BTBD9: variants seen among roughly 807,000 people sequenced by gnomAD.
BTBD9 encodes BTB/POZ domain-containing protein 9.
Under a neutral mutation model 64.3 loss-of-function variants are expected in BTBD9, and 49 were observed. The ratio of observed to expected loss-of-function variants is 0.76; its 90% CI spans 0.61 to 0.97. The LOEUF (loss-of-function observed/expected upper bound fraction) is 0.97. BTBD9 is among the 50% of genes least tolerant of loss of function. The probability of loss-of-function intolerance (pLI) is 0.00; values close to 1 mark genes in which losing one functional copy is unlikely to be tolerated. For synonymous variants in BTBD9, 260 were observed against 274.7 expected (o/e 0.95, Z 0.53); for missense variants, 598 against 762.1 (o/e 0.78, Z 2.53).
At chr6:38,414,126 T>C (rs1415821029) in intron 6 of BTBD9, among the ~76,000 whole-genome samples, 1 of 152,206 alleles carries the variant, frequency 6.6e-6, no homozygotes, top group Non-Finnish European at 1.5e-5. Flanking sequence ...TTTATGTTTG[T>C]GGACTATCAC....
chr6:38,543,736 T>C (rs930001229), intron 6 of BTBD9, among the ~76,000 whole-genome samples: 4 of 152,100 alleles, frequency 2.6e-5, no homozygotes, highest in Non-Finnish European at 5.9e-5. Flanking sequence ...GACGGGCGGA[T>C]CACGAGGTCA....
intron 6 of BTBD9, among the ~76,000 whole-genome samples, chr6:38,396,141 T>C (rs1582359658): frequency 6.6e-6 from 1 of 152,196 alleles, no homozygotes; most frequent in Non-Finnish European, 1.5e-5. Context: ...GTAAAAATTT[T>C]AATGAAATGA....
At position 38,386,630 on chromosome 6, in the gene BTBD9, CTTTTTTT is replaced by C. The variant is rs11423572; in HGVS notation, c.1155-41544_1155-41538del. Among the ~76,000 whole-genome samples the C allele has an allele frequency of 1.4e-3, 132 of 92,772 alleles. 2 individuals carry two copies. The highest frequency in any genetic ancestry group is 0.012 in the Middle Eastern group (2 of 164). The allele number at this position is 92,772 out of a possible 152,430, so 60.9% of individuals were successfully genotyped here. A position where few individuals can be genotyped will look rare whatever the true frequency, so the allele number is the denominator to read the frequency against. On this transcript the variant is annotated intron_variant, in intron 6 of 10. Transcript: ENST00000481247. ...TTTGGGATACATTTTCCAGTTTACT[CTTTTTTT>C]TTTTTTTTTTTTTTTGGAGTGGGGG...
At chr6:38,232,682 GAAGAT>G (rs1481087035) in intron 9 of BTBD9, among the ~76,000 whole-genome samples, 1 of 67,536 alleles carries the variant, frequency 1.5e-5, no homozygotes, top group Non-Finnish European at 3.0e-5. Context: ...TTTTTTTTTT[GAAGAT>G]AAGGTCTCGC....
At chr6:38,471,393 C>A (rs1321752535) in intron 6 of BTBD9, among the ~76,000 whole-genome samples, 1 of 152,136 alleles carries the variant, frequency 6.6e-6, no homozygotes, top group African/African-American at 2.4e-5. Flanking sequence ...AGGAATCCGA[C>A]CCACTAGGAC....
chr6:38,182,961 A>C (rs1162867768), intron 10 of BTBD9, among the ~76,000 whole-genome samples: 7 of 148,878 alleles, frequency 4.7e-5, no homozygotes, highest in Non-Finnish European at 1.0e-4. Context: ...TTAAATATAA[A>C]GAAGCCCACA....
chr6:38,448,730 T>C (rs939020233), intron 6 of BTBD9, among the ~76,000 whole-genome samples: 7 of 152,080 alleles, frequency 4.6e-5, no homozygotes, highest in African/African-American at 1.7e-4. Context: ...GTTGGCCAGG[T>C]TGGTTTCCAA....
intron 6 of BTBD9, among the ~76,000 whole-genome samples, chr6:38,534,847 C>T (rs1445230048): frequency 6.6e-6 from 1 of 151,968 alleles, no homozygotes; most frequent in African/African-American, 2.4e-5. Context: ...CCTCAAGAAA[C>T]TGGGTACAGA....
At chr6:38,462,802 G>A (rs776258070) in intron 6 of BTBD9, among the ~76,000 whole-genome samples, 4 of 151,836 alleles carry the variant, frequency 2.6e-5, no homozygotes, top group Middle Eastern at 3.4e-3. Context: ...AGCTTTTTTT[G>A]TTTTGTTTTG....
At chr6:38,627,388 G>C (rs1778204683) in intron 1 of BTBD9, among the ~76,000 whole-genome samples, 1 of 152,190 alleles carries the variant, frequency 6.6e-6, no homozygotes, top group Non-Finnish European at 1.5e-5. Context: ...TATAATGAGA[G>C]AAAAGCAAGA....
In BTBD9 at chr6:38,327,989, C is replaced by G. The variant is rs115938243; in HGVS notation, c.1264+16995G>C. Reference sequence around the variant, plus strand: ...TGAGGCGCACCAGAAGGCACTGCTGCTGGCCCTGCACATCCTGCCTTGTCC... The same window carrying G: ...TGAGGCGCACCAGAAGGCACTGCTGGTGGCCCTGCACATCCTGCCTTGTCC... On this transcript the variant is annotated intron_variant, in intron 7 of 10. Transcript: ENST00000481247. Among the ~76,000 whole-genome samples the G allele has an allele frequency of 7.0e-3, 1,063 of 152,308 alleles. 11 individuals are homozygous for G. Among genetic ancestry groups the G allele is most frequent in the African/African-American group, 0.025 (1,024 of 41,548 alleles).
intron 4 of BTBD9, among the ~76,000 whole-genome samples, chr6:38,584,940 C>T (rs971466702): frequency 2.0e-5 from 3 of 152,076 alleles, no homozygotes; most frequent in Non-Finnish European, 4.4e-5. Context: ...AGAGTATTTG[C>T]TTGGTGAGTC....
At chr6:38,458,487 C>A (rs929222997) in intron 6 of BTBD9, among the ~76,000 whole-genome samples, 4 of 152,140 alleles carry the variant, frequency 2.6e-5, no homozygotes, top group Non-Finnish European at 5.9e-5. Context: ...AGAAAATAGC[C>A]TAAACAAAAG....
intron 1 of BTBD9, among the ~76,000 whole-genome samples, chr6:38,598,597 A>C (rs1466364665): frequency 6.6e-6 from 1 of 152,186 alleles, no homozygotes. Flanking sequence ...TTTTGGTACG[A>C]AACCATCTCA....
At chr6:38,181,801 G>A (rs1456087611) in intron 10 of BTBD9, among the ~76,000 whole-genome samples, 5 of 152,138 alleles carry the variant, frequency 3.3e-5, no homozygotes, top group East Asian at 1.9e-4. Context: ...CAGCCCGGCC[G>A]ACGTGTCAAA....
At chr6:38,359,721 A>G (rs1395904037) in intron 6 of BTBD9, among the ~76,000 whole-genome samples, 1 of 152,152 alleles carries the variant, frequency 6.6e-6, no homozygotes, top group African/African-American at 2.4e-5. Flanking sequence ...AGGTGGGGGA[A>G]AGTTGAACCA....
At chr6:38,400,746 T>C (rs567103173) in intron 6 of BTBD9, among the ~76,000 whole-genome samples, 196 of 152,362 alleles carry the variant, frequency 1.3e-3, no homozygotes, top group Non-Finnish European at 2.4e-3. Context: ...AACGTTTATT[T>C]GGCTTTCTGA....
At chr6:38,596,324 G>GA (rs771744033) in intron 2 of BTBD9, among the ~76,000 whole-genome samples, 1 of 152,130 alleles carries the variant, frequency 6.6e-6, no homozygotes, top group Non-Finnish European at 1.5e-5. Context: ...TAAGCGGGGG[G>GA]AGTATATTCC....
chr6:38,545,706 G>A (rs1357613180), intron 6 of BTBD9, among the ~76,000 whole-genome samples: 4 of 149,962 alleles, frequency 2.7e-5, no homozygotes, highest in Admixed American at 6.7e-5. Flanking sequence ...GTGAACCCAG[G>A]AGGCAGAGCT....
Sources: gnomAD v4.1 joint callset for allele counts (sites outside exome capture counted in the v4.1 genomes callset) on GRCh38, gnomAD v4.1.1 for gene constraint, MANE v1.5 for transcripts, NCBI Gene and HGNC (gene_info 2026-07-23, HGNC 2026-07-21) for gene names.